Variants in ITGB6 observed in about 807,000 individuals in gnomAD.
The protein encoded by ITGB6 is integrin beta-6.
In ITGB6, 80 loss-of-function variants were observed where a neutral mutation model predicts 84.5. The observed-to-expected ratio is 0.95, with a 90% confidence interval of 0.79 to 1.14. The LOEUF (loss-of-function observed/expected upper bound fraction) is 1.14. ITGB6 is among the 50% of genes most tolerant of loss of function. The pLI, the probability that ITGB6 is intolerant of heterozygous loss-of-function variation, is 0.00. For synonymous variants in ITGB6, 383 were observed against 354.9 expected (o/e 1.08, Z -0.89); for missense variants, 1,006 against 968.0 (o/e 1.04, Z -0.52).
rs753667027 is a variant in ITGB6, at chr2:160,107,725, T to A, written c.2222A>T (p.Glu741Val). ...KLLVSFHDRK[E>V]VAKFEAERSK... ...TCGTTCTGCTTCAAATTTGGCAACT[T>A]CTTTACGATCATGAAATGACACCAG... The change falls in exon 14 of 15, where the codon GAA becomes GTA. Residue 741 changes from glutamate to valine, a missense_variant. Physicochemically the swap from Glu to Val is moderately radical, Grantham distance 121. Transcript: ENST00000283249. 1.9e-6 allele frequency: 3 copies of A among 1,614,098 alleles called. No homozygotes were observed. The highest frequency in any genetic ancestry group is 2.5e-6 in the Non-Finnish European group (3 of 1,179,958).
At chr2:160,186,144 T>C (rs1685886324) in intron 4 of ITGB6, among the ~76,000 whole-genome samples, 1 of 151,868 alleles carries the variant, frequency 6.6e-6, no homozygotes, top group Non-Finnish European at 1.5e-5. Flanking sequence ...ACTAAAGAGC[T>C]TCTGCACAGC....
chr2:160,183,810 C>G (rs979871952), intron 4 of ITGB6, among the ~76,000 whole-genome samples: 2 of 152,160 alleles, frequency 1.3e-5, no homozygotes, highest in Admixed American at 1.3e-4. Context: ...ATAGTGCAAT[C>G]AAATTAGAAC....
intron 12 of ITGB6, among the ~76,000 whole-genome samples, chr2:160,115,811 C>T (rs1479430342): frequency 6.6e-6 from 1 of 152,078 alleles, no homozygotes; most frequent in Non-Finnish European, 1.5e-5. Flanking sequence ...GCAGAGAAGT[C>T]CTTAAAGGAG....
chr2:160,116,733 C>G (rs1341923833), intron 12 of ITGB6, among the ~76,000 whole-genome samples: 3 of 152,040 alleles, frequency 2.0e-5, no homozygotes, highest in Admixed American at 2.0e-4. Flanking sequence ...TGGATGAAGA[C>G]TCAAGACCCA....
Position 160,170,561 on chromosome 2 carries a change from C to T in ITGB6, c.922-1254G>A, listed in dbSNP as rs377349740. 1.4e-4 allele frequency among the ~76,000 whole-genome samples: 22 copies of T among 152,260 alleles called. No homozygotes were observed. The South Asian group carries it at 3.9e-3, about 27-fold the overall frequency. ...GCCAGGATCACACCACATAGTCCTT[C>T]GAAGGTGAGCGAAGCTGGTTTTCTA... On this transcript the variant is annotated intron_variant, in intron 6 of 14. Transcript: ENST00000283249.
Position 160,138,130 on chromosome 2 carries a change from T to C in ITGB6, c.1177A>G (p.Ile393Val), listed in dbSNP as rs750105853. The change falls in exon 9 of 15, where the codon ATC becomes GTC. Residue 393 changes from isoleucine to valine, a missense_variant. Transcript: ENST00000283249. ...TGGAAGAGGGTACCGTTGTTACAGA[T>C]GGCTGTAAATGACAAGTTGAGTCCT... ...TEGLNLSFTA[I>V]CNNGTLFQHQ... The C allele has an allele frequency of 3.1e-6, 5 of 1,613,542 alleles. No individual in the cohort carries two copies. In the Admixed American group the frequency reaches 6.7e-5, roughly 22 times the overall value.
chr2:160,104,730 GA>G (rs996729900), intron 14 of ITGB6, among the ~76,000 whole-genome samples: 9 of 152,008 alleles, frequency 5.9e-5, no homozygotes, highest in East Asian at 1.9e-4. Flanking sequence ...TGTCATCCTA[GA>G]AAAAAAATTC....
At position 160,138,253 on chromosome 2, in the gene ITGB6, A is replaced by G. The variant is rs76007773; in HGVS notation, c.1108-54T>C. On this transcript the variant is annotated intron_variant, in intron 8 of 14. Transcript: ENST00000283249. ...AAGTCACAACCCCAAAAATATAGCC[A>G]GAAGAAGAAACCGTGAATCATGTTC... 0.063 allele frequency: 93,874 copies of G among 1,498,504 alleles called. 6,610 individuals are homozygous for G. The highest frequency in any genetic ancestry group is 0.29 in the East Asian group (12,445 of 42,884). 92.8% of individuals were successfully genotyped at this position (1,498,504 alleles called of 1,614,324 possible).
intron 7 of ITGB6, among the ~76,000 whole-genome samples, chr2:160,155,913 A>C (rs1684606891): frequency 6.6e-6 from 1 of 152,212 alleles, no homozygotes; most frequent in South Asian, 2.1e-4. Context: ...AGAATGGCTA[A>C]AATTACAAAA....
intron 6 of ITGB6, among the ~76,000 whole-genome samples, chr2:160,171,469 G>T (rs749304762): frequency 6.6e-6 from 1 of 151,766 alleles, no homozygotes. Flanking sequence ...CGAGTAGTTG[G>T]GACTACAGGC....
At position 160,168,598 on chromosome 2, in the gene ITGB6, T is replaced by C. The variant is rs1434368474; in HGVS notation, c.1017+614A>G. ...GTGCATATATCGTATTTTTTTGCAGTTTGCACAGTGGTTTGGGGACAGCAC... is the reference window on the plus strand; with the variant it reads ...GTGCATATATCGTATTTTTTTGCAGCTTGCACAGTGGTTTGGGGACAGCAC... On this transcript the variant is annotated intron_variant, in intron 7 of 14. Transcript: ENST00000283249. 2.6e-5 allele frequency among the ~76,000 whole-genome samples: 4 copies of C among 152,258 alleles called. No homozygotes were observed. In the East Asian group the frequency reaches 7.7e-4, roughly 29 times the overall value.
intron 4 of ITGB6, among the ~76,000 whole-genome samples, chr2:160,177,333 G>A (rs1281181270): frequency 2.0e-5 from 3 of 152,104 alleles, no homozygotes; most frequent in East Asian, 1.9e-4. Flanking sequence ...TTGGGAGGCC[G>A]AGGTGGGCGG....
rs553381592 is a variant in ITGB6, at chr2:160,136,742, T to G, written c.1660+692A>C. On this transcript the variant is annotated intron_variant, in intron 10 of 14. Transcript: ENST00000283249. The stretch of plus-strand genomic sequence containing the variant: ...AGCCTTAAAAAATGATGAGTTCATG[T>G]CATTTGTAGGGACATGGATGAAGCT... 2.0e-5 allele frequency among the ~76,000 whole-genome samples: 3 copies of G among 152,300 alleles called. No homozygotes were observed. The East Asian group carries it at 5.8e-4, about 29-fold the overall frequency.
chr2:160,101,905 A>C, intron 14 of ITGB6, 71 bp from the exon 15 acceptor site: 2 of 807,620 alleles, frequency 2.5e-6, no homozygotes, highest in Non-Finnish European at 4.2e-6. Flanking sequence ...TACGTAGTGC[A>C]AATTGGAAGA....
chr2:160,142,451 T>G (rs1010949937), intron 7 of ITGB6, among the ~76,000 whole-genome samples: 1 of 152,230 alleles, frequency 6.6e-6, no homozygotes, highest in South Asian at 2.1e-4. Context: ...TTTTGTAACG[T>G]TGCAGAAACC....
At chr2:160,116,137 G>A (rs201351383) in intron 12 of ITGB6, among the ~76,000 whole-genome samples, 94,316 of 143,262 alleles carry the variant, frequency 0.66, 31,542 homozygotes, top group Admixed American at 0.73. Flanking sequence ...GCAGGCCAAC[G>A]TTCAGATTCA....
rs57114566 is a variant in ITGB6 at position 160,156,217 on chromosome 2, A to C, written c.1017+12995T>G. Among the ~76,000 whole-genome samples the C allele has an allele frequency of 7.9e-3, 1,205 of 152,334 alleles. 20 individuals are homozygous for C. The highest frequency in any genetic ancestry group is 0.028 in the African/African-American group (1,161 of 41,576). ...CAGTTCTGTTGGGTATTTGACCACA[A>C]GGAGTCATCAGCTCCTCATGGATTC... On this transcript the variant is annotated intron_variant, in intron 7 of 14. Transcript: ENST00000283249.
At chr2:160,199,498 C>A (rs1025978626) in intron 1 of ITGB6, among the ~76,000 whole-genome samples, 2 of 152,118 alleles carry the variant, frequency 1.3e-5, no homozygotes, top group Non-Finnish European at 2.9e-5. Flanking sequence ...TTATCATGCT[C>A]TTTTTTCTTA....
Position 160,196,325 on chromosome 2 carries a change from G to T in ITGB6, c.237C>A (p.Val79=). 3.7e-6 allele frequency: 6 copies of T among 1,614,046 alleles called. No homozygotes were observed. Among genetic ancestry groups the T allele is most frequent in the Non-Finnish European group, 5.1e-6 (6 of 1,179,964 alleles). The change falls in exon 3 of 15, where the codon GTC becomes GTA. Residue 79 remains valine, a synonymous_variant. Coordinates refer to ENST00000283249, the MANE Select transcript of ITGB6 (RefSeq NM_000888.5). ...GCQLNFIENP[V]SQVEILKNKP... is the part of the protein sequence containing the mutation. The stretch of plus-strand genomic sequence containing the variant: ...TATTTTTAAGTATTTCTACTTGGGA[G>T]ACAGGGTTTTCGATGAAGTTTAATT...
Sources: gnomAD v4.1 joint callset for allele counts (sites outside exome capture counted in the v4.1 genomes callset) on GRCh38, gnomAD v4.1.1 for gene constraint, MANE v1.5 for transcripts, NCBI Gene and HGNC (gene_info 2026-07-23, HGNC 2026-07-21) for gene names.